WNK1: variants seen among roughly 807,000 people sequenced by gnomAD.
WNK1 encodes serine/threonine-protein kinase WNK1.
A neutral mutation model predicts 222.8 loss-of-function variants in WNK1; 38 were observed. The observed-to-expected ratio is 0.17, with a 90% CI of 0.13 to 0.22. The LOEUF is 0.22. Ranked by LOEUF, WNK1 falls within the 10% of genes least tolerant of loss-of-function variation. WNK1 has a pLI of 1.00. For synonymous variants in WNK1, 1,090 were observed against 1,092.9 expected (o/e 1.00, Z 0.05); for missense variants, 2,348 against 2,918.4 (o/e 0.80, Z 4.50).
chr12:864,004 C>G (rs1951416435), intron 8 of WNK1, among the ~76,000 whole-genome samples: 1 of 151,846 alleles, frequency 6.6e-6, no homozygotes, highest in Non-Finnish European at 1.5e-5. Flanking sequence ...TTTCATAGTT[C>G]ACAACATCTA....
At chr12:832,066 T>A (rs1948837884) in intron 4 of WNK1, among the ~76,000 whole-genome samples, 1 of 152,076 alleles carries the variant, frequency 6.6e-6, no homozygotes, top group African/African-American at 2.4e-5. Context: ...TGTTTATTTT[T>A]AATTTTTTAT....
chr12:838,131 A>T (rs1035384483), intron 4 of WNK1, among the ~76,000 whole-genome samples: 29 of 151,566 alleles, frequency 1.9e-4, no homozygotes, highest in Non-Finnish European at 1.0e-4. Flanking sequence ...ACAATTGTTT[A>T]GCCATTTATC....
Position 896,701 on chromosome 12 carries a change from T to C in WNK1, c.6214T>C (p.Leu2072=), listed in dbSNP as rs1338974260. ...TGAGTCAGATATCGAAGATGAAGAC[T>C]TAAAGTTAGAGCTGCGACGACTACG... is the stretch of plus-strand genomic sequence containing the variant. ...DNESDIEDED[L]KLELRRLRDK... is the part of the protein sequence containing the mutation. The change falls in exon 24 of 28, where the codon TTA becomes CTA. Residue 2072 remains leucine (L), a synonymous_variant. Transcript: ENST00000315939. 1 of 1,610,056 alleles carries C rather than the reference T, an allele frequency of 6.2e-7. No homozygotes were observed. Among genetic ancestry groups the C allele is most frequent in the South Asian group, 1.1e-5 (1 of 90,748 alleles).
intron 8 of WNK1, chr12:868,294 T>G: frequency 6.2e-7 from 1 of 1,607,822 alleles, no homozygotes; most frequent in Non-Finnish European, 8.5e-7. Context: ...CTGGGGTACA[T>G]TACCAGGCCC....
At chr12:853,037 AGTGG>A (rs1303760803) in intron 4 of WNK1, among the ~76,000 whole-genome samples, 41 of 152,244 alleles carry the variant, frequency 2.7e-4, no homozygotes, top group Admixed American at 2.7e-3. Flanking sequence ...TCAGTATTTA[AGTGG>A]GTAGCATTAA....
intron 7 of WNK1, 84 bp from the exon 8 acceptor site, chr12:861,999 G>T: frequency 6.7e-7 from 1 of 1,498,318 alleles, no homozygotes; most frequent in Non-Finnish European, 9.2e-7. Context: ...AATATAATGG[G>T]TCTAAATATG....
At chr12:819,745 G>A (rs10849563) in intron 2 of WNK1, among the ~76,000 whole-genome samples, 96,834 of 152,000 alleles carry the variant, frequency 0.64, 31,729 homozygotes, top group East Asian at 0.87. Context: ...TAACTTTTGT[G>A]TATGCCGTGA....
intron 4 of WNK1, among the ~76,000 whole-genome samples, chr12:848,470 TGAGGCAGCAAAGAAGCCAGTAAAAAC>T (rs1950184706): frequency 6.9e-6 from 1 of 144,804 alleles, no homozygotes; most frequent in Non-Finnish European, 1.5e-5. Context: ...CAATGACTTG[TGAGGCAGCAAAGAAGCCAGTAAAAAC>T]TTTTTTTTTT....
intron 1 of WNK1, among the ~76,000 whole-genome samples, chr12:776,309 C>T (rs765400869): frequency 1.3e-5 from 2 of 152,034 alleles, no homozygotes; most frequent in Admixed American, 6.6e-5. Flanking sequence ...GCTGGGATTA[C>T]AGGTGTGAGA....
intron 1 of WNK1, among the ~76,000 whole-genome samples, chr12:756,069 A>G (rs542032460): frequency 4.9e-4 from 74 of 152,358 alleles, no homozygotes; most frequent in Non-Finnish European, 7.9e-4. Flanking sequence ...TCTTTCTTGT[A>G]CTATCGATGC....
At position 910,451 on chromosome 12, in the gene WNK1, C is replaced by T. The variant is rs574206560; in HGVS notation, c.*1659C>T. The T allele has an allele frequency of 1.3e-5, 2 of 152,202 alleles. No individual in the cohort carries two copies. The highest frequency in any genetic ancestry group is 2.1e-4 in the South Asian group (1 of 4,816). The allele number at this position is 152,202 out of a possible 1,614,324, so 9.4% of individuals were successfully genotyped here. The stretch of plus-strand genomic sequence containing the variant: ...ACATTTTCAAATAAATAATACTCCC[C>T]GTAAGTAATAACTGCAACCAATCAG... On this transcript the variant is annotated 3_prime_UTR_variant, in exon 28 of 28. Transcript: ENST00000315939.
intron 8 of WNK1, among the ~76,000 whole-genome samples, chr12:867,054 C>T (rs1319653528): frequency 3.3e-5 from 5 of 151,980 alleles, no homozygotes; most frequent in African/African-American, 1.2e-4. Flanking sequence ...ACCCAGGAGG[C>T]GGAGGTTGCA....
Position 906,436 on chromosome 12 carries a change from C to G in WNK1, c.6644-1411C>G, listed in dbSNP as rs1350890474. On this transcript the variant is annotated intron_variant, in intron 26 of 27. Transcript: ENST00000315939. ...CTTCCTCCTCCCCTTTGCACCCTGC[C>G]TCAGCTGCATTTTCTTGTCGCTTCT... 7.1e-6 allele frequency: 7 copies of G among 985,248 alleles called. No homozygotes were observed. In the African/African-American group the frequency reaches 8.7e-5, roughly 12 times the overall value. The allele number at this position is 985,248 out of a possible 1,614,324, so 61.0% of individuals were successfully genotyped here.
chr12:811,369 A>T (rs184203419), intron 1 of WNK1, among the ~76,000 whole-genome samples: 3 of 152,126 alleles, frequency 2.0e-5, no homozygotes, highest in African/African-American at 7.2e-5. Flanking sequence ...TTATTTTAGA[A>T]GTTTTGCAAA....
chr12:898,159 G>T (rs1361981042), intron 25 of WNK1, among the ~76,000 whole-genome samples: 2 of 152,132 alleles, frequency 1.3e-5, no homozygotes, highest in African/African-American at 2.4e-5. Flanking sequence ...CTTGATTAAG[G>T]TTTTTATTTC....
At position 757,323 on chromosome 12, in the gene WNK1, TTTTTTTTTTTAA is replaced by T. The variant is rs1299596904; in HGVS notation, c.759+3000_759+3011del. 7.9e-4 allele frequency among the ~76,000 whole-genome samples: 80 copies of T among 101,096 alleles called. 1 individual carries two copies. In the East Asian group the frequency reaches 0.018, roughly 23 times the overall value. 66.3% of individuals were successfully genotyped at this position (101,096 alleles called of 152,430 possible). A position where few individuals can be genotyped will look rare whatever the true frequency, so the allele number is the denominator to read the frequency against. Reference sequence around the variant, plus strand: ...AAGCATCAATTCTTTTTTTTTTTTTTTTTTTTTTTTAAAAAAAAAAAGAGACGGAGTCTTGCT... The same window carrying T: ...AAGCATCAATTCTTTTTTTTTTTTTTAAAAAAAAAGAGACGGAGTCTTGCT... On this transcript the variant is annotated intron_variant, in intron 1 of 27. Transcript: ENST00000315939.
At chr12:767,444 G>A (rs952352275) in intron 1 of WNK1, among the ~76,000 whole-genome samples, 53 of 151,538 alleles carry the variant, frequency 3.5e-4, no homozygotes, top group African/African-American at 1.3e-3. Context: ...GTAGAGACGG[G>A]GTTTCACCAT....
chr12:823,836 A>T (rs1362931346), intron 2 of WNK1, among the ~76,000 whole-genome samples: 1 of 151,584 alleles, frequency 6.6e-6, no homozygotes, highest in East Asian at 1.9e-4. Context: ...CTTTGTCTTC[A>T]ATGTGGTTGG....
intron 3 of WNK1, among the ~76,000 whole-genome samples, chr12:829,524 G>T (rs1348865627): frequency 6.6e-6 from 1 of 152,178 alleles, no homozygotes; most frequent in Non-Finnish European, 1.5e-5. Flanking sequence ...TGCCAAGAGT[G>T]TAGCTGTAAA....
Sources: allele counts gnomAD v4.1 joint callset (sites outside exome capture counted in the v4.1 genomes callset), GRCh38; gene constraint gnomAD v4.1.1; transcripts MANE v1.5; gene names NCBI Gene and HGNC (gene_info 2026-07-23, HGNC 2026-07-21).